Variants in PRTG observed in about 807,000 individuals in gnomAD.
The protein encoded by PRTG is protogenin.
PRTG carries 67 observed loss-of-function variants against 122.5 expected under a neutral mutation model. The observed-to-expected ratio is 0.55, with a 90% CI of 0.45 to 0.67. The LOEUF is 0.67. PRTG is among the 30% of genes least tolerant of loss of function. The pLI, the probability that PRTG is intolerant of heterozygous loss-of-function variation, is 0.00. For missense variants in PRTG, 1,435 were observed against 1,415.4 expected, an observed-to-expected ratio of 1.01 and a Z score of -0.22; for synonymous variants, 554 against 501.1, an observed-to-expected ratio of 1.11 and a Z score of -1.41.
intron 11 of PRTG, among the ~76,000 whole-genome samples, chr15:55,644,893 T>TA (rs2059311981): frequency 1.3e-5 from 2 of 152,186 alleles, no homozygotes; most frequent in African/African-American, 4.8e-5. Flanking sequence ...ACATTTTTCA[T>TA]AAGTGAACTA....
At chr15:55,705,666 C>G (rs1221906782) in intron 2 of PRTG, among the ~76,000 whole-genome samples, 1 of 151,846 alleles carries the variant, frequency 6.6e-6, no homozygotes, top group African/African-American at 2.4e-5. Context: ...ATGTTGCACT[C>G]CTGACCTCAA....
chr15:55,644,289 G>A (rs1419655750), intron 11 of PRTG, among the ~76,000 whole-genome samples: 1 of 152,156 alleles, frequency 6.6e-6, no homozygotes, highest in African/African-American at 2.4e-5. Context: ...GTTCTCCACA[G>A]GGGGCCAGAT....
intron 2 of PRTG, among the ~76,000 whole-genome samples, chr15:55,693,603 T>C (rs9920680): frequency 0.097 from 14,688 of 152,180 alleles, 850 homozygotes; most frequent in Middle Eastern, 0.19. Context: ...AGTACAGATA[T>C]TAAAATCCAT....
chr15:55,639,457 A>G (rs952287445), intron 13 of PRTG, among the ~76,000 whole-genome samples, 185 bp downstream of exon 13: 1 of 152,218 alleles, frequency 6.6e-6, no homozygotes, highest in Non-Finnish European at 1.5e-5. Flanking sequence ...TTAAATGTCA[A>G]AAAGTATGGT....
intron 11 of PRTG, among the ~76,000 whole-genome samples, chr15:55,653,327 C>T (rs956897876): frequency 3.3e-5 from 5 of 152,064 alleles, no homozygotes; most frequent in African/African-American, 1.2e-4. Context: ...GGTCTTAAGA[C>T]AAATAACACC....
intron 1 of PRTG, among the ~76,000 whole-genome samples, chr15:55,741,255 A>G (rs961569680): frequency 8.5e-5 from 13 of 152,210 alleles, no homozygotes; most frequent in Non-Finnish European, 1.6e-4. Context: ...AAAGAAATCC[A>G]TTTACTTAAT....
At chr15:55,727,506 C>T (rs2031075183) in intron 2 of PRTG, among the ~76,000 whole-genome samples, 2 of 151,998 alleles carry the variant, frequency 1.3e-5, no homozygotes, top group South Asian at 4.2e-4. Context: ...AAAAATCTCC[C>T]AACAATAGGC....
At chr15:55,655,590 G>C (rs770136977) in intron 11 of PRTG, 1 of 152,184 alleles carries the variant, frequency 6.6e-6, no homozygotes, top group Non-Finnish European at 1.5e-5. Context: ...AGTTCCTCAA[G>C]TGGGCTTTGG....
intron 2 of PRTG, among the ~76,000 whole-genome samples, chr15:55,693,164 A>G (rs1416442060): frequency 6.6e-6 from 1 of 152,002 alleles, no homozygotes; most frequent in Non-Finnish European, 1.5e-5. Context: ...TATTTTTTTA[A>G]AAGACTAAGT....
At chr15:55,683,744 C>G in intron 3 of PRTG, 43 bp downstream of exon 3, 1 of 1,548,614 alleles carries the variant, frequency 6.5e-7, no homozygotes, top group Non-Finnish European at 8.8e-7. Context: ...ATGAAGTCTT[C>G]ATTACTCCCA....
At chr15:55,728,611 A>G (rs1405678912) in intron 2 of PRTG, among the ~76,000 whole-genome samples, 1 of 152,198 alleles carries the variant, frequency 6.6e-6, no homozygotes, top group African/African-American at 2.4e-5. Flanking sequence ...TCAACATGAT[A>G]AAGGGCATTT....
rs765953209 is a variant in PRTG at position 55,680,631 on chromosome 15, T to A, written c.677-3A>T. On this transcript the variant is annotated splice_region_variant and splice_polypyrimidine_tract_variant and intron_variant, in intron 4 of 19. Transcript: ENST00000389286. ...GTGGAAGGATTTTGACTCCTTAGCT[T>A]TGGGGAGGAAAAGACAGAATATAAA... is the stretch of plus-strand genomic sequence containing the variant. The A allele has an allele frequency of 4.0e-6, 6 of 1,500,702 alleles. No homozygotes were observed. The allele number at this position is 1,500,702 out of a possible 1,614,324, so 93.0% of individuals were successfully genotyped here. A position where few individuals can be genotyped will look rare whatever the true frequency, so the allele number is the denominator to read the frequency against.
Position 55,628,802 on chromosome 15 carries a change from G to C in PRTG, c.2806+20C>G, listed in dbSNP as rs2059209689. 5.7e-6 allele frequency: 9 copies of C among 1,577,770 alleles called. No homozygotes were observed. The highest frequency in any genetic ancestry group is 7.8e-6 in the Non-Finnish European group (9 of 1,159,666). On this transcript the variant is annotated intron_variant, in intron 16 of 19. Coordinates refer to ENST00000389286, the MANE Select transcript of PRTG (RefSeq NM_173814.6). ...TTTTTTTCTTAAGAAAAATCACAGT[G>C]ACTACGGCAGTATACAGACCTTTGG... is the stretch of plus-strand genomic sequence containing the variant.
At chr15:55,676,471 C>T (rs1259518949) in intron 8 of PRTG, among the ~76,000 whole-genome samples, 3 of 152,130 alleles carry the variant, frequency 2.0e-5, no homozygotes, top group South Asian at 2.1e-4. Context: ...TCTCTAAGGA[C>T]GGAGTCCCTT....
intron 8 of PRTG, 62 bp from the exon 9 acceptor site, chr15:55,675,745 T>C (rs2141802994): frequency 9.9e-7 from 1 of 1,011,406 alleles, no homozygotes; most frequent in East Asian, 2.4e-5. Context: ...ACAAGACCAT[T>C]TTCCTGCACT....
chr15:55,640,856 C>CA (rs34216536), intron 12 of PRTG, among the ~76,000 whole-genome samples: 23,848 of 139,072 alleles, frequency 0.17, 2,511 homozygotes, highest in African/African-American at 0.32. Context: ...ACTAAAAATA[C>CA]AAAAAAAAAA....
chr15:55,647,114 C>T (rs906774233), intron 11 of PRTG, among the ~76,000 whole-genome samples: 2 of 152,034 alleles, frequency 1.3e-5, no homozygotes, highest in African/African-American at 2.4e-5. Flanking sequence ...ACCCCATCTC[C>T]ACTCAAAGAA....
At chr15:55,658,679 T>C (rs528668548) in intron 11 of PRTG, among the ~76,000 whole-genome samples, 173 of 152,310 alleles carry the variant, frequency 1.1e-3, no homozygotes, top group African/African-American at 4.0e-3. Context: ...AGTATGCATA[T>C]TGTAAGTCCC....
In PRTG at chr15:55,632,357, C is replaced by G. The variant is rs1367025564; in HGVS notation, c.2624-3353G>C. ...ACTCCTGTCCAAGCCCTCATCAACTCTCACATGGACACCTGCCTATGAAAT... is the reference window on the plus strand; with the variant it reads ...ACTCCTGTCCAAGCCCTCATCAACTGTCACATGGACACCTGCCTATGAAAT... On this transcript the variant is annotated intron_variant, in intron 15 of 19. Transcript: ENST00000389286. 3.9e-5 allele frequency among the ~76,000 whole-genome samples: 6 copies of G among 152,294 alleles called. No individual in the cohort carries two copies. The East Asian group carries it at 1.2e-3, about 29-fold the overall frequency.
Sources: allele counts gnomAD v4.1 joint callset (sites outside exome capture counted in the v4.1 genomes callset), GRCh38; gene constraint gnomAD v4.1.1; transcripts MANE v1.5; gene names NCBI Gene and HGNC (gene_info 2026-07-23, HGNC 2026-07-21).